EXO1: variants seen among roughly 807,000 people sequenced by gnomAD.
The protein encoded by EXO1 is exonuclease 1.
EXO1 carries 69 observed loss-of-function variants against 84.5 expected under a neutral mutation model. The observed-to-expected ratio is 0.82, with a 90% CI of 0.67 to 1.00. The LOEUF (loss-of-function observed/expected upper bound fraction) is 1.00, where lower values mean the gene tolerates loss of function less well. Ranked by LOEUF, EXO1 falls within the 50% of genes least tolerant of loss-of-function variation. The pLI, the probability that EXO1 is intolerant of heterozygous loss-of-function variation, is 0.00. For missense variants in EXO1, 1,045 were observed against 1,000.7 expected, an observed-to-expected ratio of 1.04 and a Z score of -0.60; for synonymous variants, 373 against 366.1, an observed-to-expected ratio of 1.02 and a Z score of -0.21.
At chr1:241,871,904 A>T in intron 11 of EXO1, 128 bp from the exon 12 acceptor site, 1 of 652,382 alleles carries the variant, frequency 1.5e-6, no homozygotes, top group Non-Finnish European at 2.6e-6. Flanking sequence ...TTCTTTTCTG[A>T]GGCATAGTTT....
At chr1:241,877,031 T>C (rs1293757132) in intron 12 of EXO1, among the ~76,000 whole-genome samples, 2 of 152,238 alleles carry the variant, frequency 1.3e-5, no homozygotes, top group Non-Finnish European at 2.9e-5. Context: ...GTGCAAGCAT[T>C]CATTACCACT....
chr1:241,875,970 T>C (rs1342768629), intron 12 of EXO1, among the ~76,000 whole-genome samples: 1 of 152,220 alleles, frequency 6.6e-6, no homozygotes, highest in African/African-American at 2.4e-5. Flanking sequence ...GTTTTTCCGC[T>C]GGGGTGAGAG....
At chr1:241,876,765 T>G (rs528860207) in intron 12 of EXO1, among the ~76,000 whole-genome samples, 64 of 152,302 alleles carry the variant, frequency 4.2e-4, no homozygotes, top group African/African-American at 1.4e-3. Context: ...TTCTCAAAGT[T>G]GTACAGTTAG....
chr1:241,863,478 A>G (rs1017991009), intron 10 of EXO1, among the ~76,000 whole-genome samples: 1 of 152,062 alleles, frequency 6.6e-6, no homozygotes. Flanking sequence ...TAGATTGTTC[A>G]TTATGGATGG....
intron 12 of EXO1, among the ~76,000 whole-genome samples, chr1:241,874,135 C>T (rs1218626684): frequency 6.6e-6 from 1 of 152,206 alleles, no homozygotes; most frequent in Non-Finnish European, 1.5e-5. Flanking sequence ...CACGATGGCT[C>T]ATGCCTATAA....
At chr1:241,851,027 G>A (rs1660641058) in intron 4 of EXO1, among the ~76,000 whole-genome samples, 1 of 151,840 alleles carries the variant, frequency 6.6e-6, no homozygotes, top group Non-Finnish European at 1.5e-5. Context: ...TAGAGACAGG[G>A]TTTCACCATG....
chr1:241,888,398 G>A (rs188504896), intron 15 of EXO1, among the ~76,000 whole-genome samples: 19 of 93,868 alleles, frequency 2.0e-4, no homozygotes, highest in African/African-American at 4.4e-4. Context: ...TGACTCGTAC[G>A]GTGTGATGCC....
Position 241,889,689 on chromosome 1 carries a change from A to G in EXO1, c.*89A>G. On this transcript the variant is annotated 3_prime_UTR_variant, in exon 16 of 16. Coordinates refer to ENST00000366548, the MANE Select transcript of EXO1 (RefSeq NM_130398.4). The stretch of plus-strand genomic sequence containing the variant: ...GAATGAGGCACTTATCAGCATGAAG[A>G]ATTTTTTCTCATTCTGTGCCATTTT... The G allele has an allele frequency of 7.8e-7, 1 of 1,280,518 alleles. No individual in the cohort carries two copies. Among genetic ancestry groups the G allele is most frequent in the Non-Finnish European group, 1.1e-6 (1 of 878,720 alleles). 79.3% of individuals were successfully genotyped at this position (1,280,518 alleles called of 1,614,324 possible). A position where few individuals can be genotyped will look rare whatever the true frequency, so the allele number is the denominator to read the frequency against.
chr1:241,887,319 T>C (rs1168602592), intron 15 of EXO1, among the ~76,000 whole-genome samples: 1 of 152,218 alleles, frequency 6.6e-6, no homozygotes. Flanking sequence ...TAAGTTGTTA[T>C]GTGAGGTGTG....
At position 241,864,644 on chromosome 1, in the gene EXO1, G is replaced by A. The variant is rs561083246; in HGVS notation, c.1042-2186G>A. Among the ~76,000 whole-genome samples, 112 of 152,318 alleles carry A rather than the reference G, an allele frequency of 7.4e-4. 1 individual carries two copies. Among genetic ancestry groups the A allele is most frequent in the African/African-American group, 2.4e-3 (98 of 41,588 alleles). ...TTCTTGAGCCTTTCTCCAGGTTTCT[G>A]TAGGTGGAATTGGCTTCTCTTTGAT... On this transcript the variant is annotated intron_variant, in intron 10 of 15. Coordinates refer to ENST00000366548, the MANE Select transcript of EXO1 (RefSeq NM_130398.4).
Position 241,889,494 on chromosome 1 carries a change from A to G in EXO1, c.2435A>G (p.Lys812Arg), listed in dbSNP as rs1417621898. 1 of 1,613,866 alleles carries G rather than the reference A, an allele frequency of 6.2e-7. No homozygotes were observed. Among genetic ancestry groups the G allele is most frequent in the Admixed American group, 1.7e-5 (1 of 60,028 alleles). The change falls in exon 16 of 16, where the codon AAA becomes AGA. Residue 812 changes from lysine (K) to arginine (R), a missense_variant. By Grantham distance (26) the Lys-to-Arg change is conservative. Coordinates refer to ENST00000366548, the MANE Select transcript of EXO1 (RefSeq NM_130398.4). Reference sequence around the variant, plus strand: ...TCTGAAAAGCTTCCTCCTTGTAAGAAACCCCTGTCCCCAGTCAGAGATAAC... The same window carrying G: ...TCTGAAAAGCTTCCTCCTTGTAAGAGACCCCTGTCCCCAGTCAGAGATAAC... ...KDSEKLPPCK[K>R]PLSPVRDNIQ...
At chr1:241,880,616 TGTA>T (rs1198273604) in intron 13 of EXO1, among the ~76,000 whole-genome samples, 1 of 152,244 alleles carries the variant, frequency 6.6e-6, no homozygotes, top group Non-Finnish European at 1.5e-5. Flanking sequence ...TGCTGCCAGA[TGTA>T]GTAAACTCCT....
intron 15 of EXO1, among the ~76,000 whole-genome samples, chr1:241,887,868 A>G (rs1260672213): frequency 6.6e-6 from 1 of 151,990 alleles, no homozygotes; most frequent in Non-Finnish European, 1.5e-5. Context: ...TGAACTCCTG[A>G]CCTCAAGTGA....
chr1:241,855,713 G>C (rs184187662), intron 6 of EXO1, among the ~76,000 whole-genome samples: 3 of 152,150 alleles, frequency 2.0e-5, no homozygotes, highest in African/African-American at 7.2e-5. Flanking sequence ...CTGCAGTCCC[G>C]AGTCCTGCCC....
intron 11 of EXO1, 28 bp downstream of exon 11, chr1:241,867,083 G>C (rs757374894): frequency 4.1e-6 from 6 of 1,452,932 alleles, no homozygotes; most frequent in Middle Eastern, 1.7e-4. Flanking sequence ...GCAAAATGCT[G>C]GTGAATATTG....
intron 11 of EXO1, among the ~76,000 whole-genome samples, chr1:241,871,423 C>T (rs150155819): frequency 6.6e-6 from 1 of 152,308 alleles, no homozygotes; most frequent in African/African-American, 2.4e-5. Context: ...TCTCTATGTA[C>T]TTACCTGTCT....
At chr1:241,850,015 C>T (rs1660565574) in intron 3 of EXO1, among the ~76,000 whole-genome samples, 1 of 152,258 alleles carries the variant, frequency 6.6e-6, no homozygotes, top group Admixed American at 6.5e-5. Context: ...GGCGCGGTGG[C>T]TCACGCCTGT....
At chr1:241,871,311 C>A (rs545494018) in intron 11 of EXO1, among the ~76,000 whole-genome samples, 1 of 152,300 alleles carries the variant, frequency 6.6e-6, no homozygotes, top group South Asian at 2.1e-4. Flanking sequence ...ACCTATCTTA[C>A]CAACTTCACA....
chr1:241,852,574 G>A (rs1660733792), intron 5 of EXO1, among the ~76,000 whole-genome samples, 163 bp downstream of exon 5: 1 of 152,190 alleles, frequency 6.6e-6, no homozygotes, highest in Non-Finnish European at 1.5e-5. Flanking sequence ...GAGCCCAGGA[G>A]TTCAGCACCT....
Sources: gnomAD v4.1 joint callset for allele counts (sites outside exome capture counted in the v4.1 genomes callset) on GRCh38, gnomAD v4.1.1 for gene constraint, MANE v1.5 for transcripts, NCBI Gene and HGNC (gene_info 2026-07-23, HGNC 2026-07-21) for gene names.